KCNN2: variants seen among roughly 807,000 people sequenced by gnomAD.
KCNN2 encodes the protein potassium calcium-activated channel subfamily N member 2, also known as small conductance calcium-activated potassium channel protein 2.
Under a neutral mutation model 55.5 loss-of-function variants are expected in KCNN2, and 24 were observed. The ratio of observed to expected loss-of-function variants is 0.43; its 90% CI spans 0.31 to 0.61. The LOEUF is 0.61. Ranked by LOEUF, KCNN2 falls within the 20% of genes least tolerant of loss-of-function variation. KCNN2 has a pLI of 0.08. For synonymous variants in KCNN2, 431 were observed against 336.1 expected, an observed-to-expected ratio of 1.28 and a Z score of -3.09; for missense variants, 754 against 853.6, an observed-to-expected ratio of 0.88 and a Z score of 1.45.
chr5:114,292,361 T>G (rs1580699779), intron 2 of KCNN2, among the ~76,000 whole-genome samples: 1 of 152,208 alleles, frequency 6.6e-6, no homozygotes, highest in African/African-American at 2.4e-5. Flanking sequence ...CTTGAATTAA[T>G]TTTTGTATAA....
intron 1 of KCNN2, among the ~76,000 whole-genome samples, chr5:114,074,636 G>T (rs1173536125): frequency 1.3e-5 from 2 of 152,210 alleles, no homozygotes; most frequent in African/African-American, 4.8e-5. Context: ...ACCCTGTGTG[G>T]TGAAGCAAGC....
intron 2 of KCNN2, among the ~76,000 whole-genome samples, chr5:114,277,183 G>T (rs966855268): frequency 1.3e-5 from 2 of 152,154 alleles, no homozygotes; most frequent in Non-Finnish European, 2.9e-5. Context: ...CTTCTGGCTT[G>T]TAGGGTTTCT....
chr5:114,155,683 C>G (rs1457783257), intron 1 of KCNN2, among the ~76,000 whole-genome samples: 2 of 152,118 alleles, frequency 1.3e-5, no homozygotes, highest in African/African-American at 4.8e-5. Flanking sequence ...TGTATATCTT[C>G]TTTTCAAAAA....
intron 2 of KCNN2, among the ~76,000 whole-genome samples, chr5:114,293,800 C>T (rs1219714547): frequency 3.9e-5 from 6 of 152,100 alleles, no homozygotes; most frequent in South Asian, 2.1e-4. Flanking sequence ...TGGTAGAATT[C>T]GGCTGTGAAT....
chr5:114,161,997 C>T (rs563160873), intron 1 of KCNN2, among the ~76,000 whole-genome samples: 1 of 152,360 alleles, frequency 6.6e-6, no homozygotes, highest in African/African-American at 2.4e-5. Context: ...CTTCTTCTCT[C>T]AGCTCATGAA....
intron 6 of KCNN2, among the ~76,000 whole-genome samples, 177 bp downstream of exon 6, chr5:114,487,354 C>T (rs1040838395): frequency 6.6e-6 from 1 of 152,088 alleles, no homozygotes; most frequent in Non-Finnish European, 1.5e-5. Flanking sequence ...AACCTCAGTT[C>T]CTTTAATGAT....
intron 2 of KCNN2, among the ~76,000 whole-genome samples, chr5:114,236,029 T>C (rs910441901): frequency 2.0e-5 from 3 of 152,230 alleles, no homozygotes; most frequent in African/African-American, 7.2e-5. Flanking sequence ...GGTTCCATTT[T>C]ATCTTCCTCC....
At chr5:114,317,292 CT>C (rs1227186522) in intron 2 of KCNN2, among the ~76,000 whole-genome samples, 1 of 151,732 alleles carries the variant, frequency 6.6e-6, no homozygotes, top group African/African-American at 2.4e-5. Context: ...AGGAAATACA[CT>C]TTTTTACAAA....
chr5:114,115,151 A>T (rs951629325), intron 1 of KCNN2, among the ~76,000 whole-genome samples: 1 of 152,174 alleles, frequency 6.6e-6, no homozygotes, highest in African/African-American at 2.4e-5. Flanking sequence ...TGAGTTCACT[A>T]AGCCTAGTGA....
chr5:114,438,941 CATT>C (rs1561384151), intron 3 of KCNN2, among the ~76,000 whole-genome samples: 5 of 152,090 alleles, frequency 3.3e-5, no homozygotes, highest in African/African-American at 4.8e-5. Flanking sequence ...TCTGTGGTGT[CATT>C]ATAAAATATG....
chr5:114,149,502 C>A (rs1257959499), intron 1 of KCNN2, among the ~76,000 whole-genome samples: 2 of 152,040 alleles, frequency 1.3e-5, no homozygotes, highest in Non-Finnish European at 2.9e-5. Context: ...GTGATGCCGC[C>A]AATGCACTGG....
intron 2 of KCNN2, among the ~76,000 whole-genome samples, chr5:114,399,574 C>T (rs184525331): frequency 3.2e-4 from 48 of 152,174 alleles, no homozygotes; most frequent in Non-Finnish European, 2.1e-4. Context: ...TTTGTTGTGT[C>T]TCTGCCAGGT....
chr5:114,432,489 C>A (rs938050685), intron 3 of KCNN2, among the ~76,000 whole-genome samples: 6 of 152,252 alleles, frequency 3.9e-5, no homozygotes, highest in Admixed American at 1.3e-4. Flanking sequence ...TTCTTGTGGA[C>A]AACACATGGT....
intron 2 of KCNN2, among the ~76,000 whole-genome samples, chr5:114,340,145 AG>A (rs1756990711): frequency 6.6e-6 from 1 of 152,126 alleles, no homozygotes; most frequent in Non-Finnish European, 1.5e-5. Context: ...TTTGCCAAAA[AG>A]ATTAAAAATT....
intron 1 of KCNN2, among the ~76,000 whole-genome samples, chr5:114,135,778 G>T (rs1752162772): frequency 6.6e-6 from 1 of 152,130 alleles, no homozygotes; most frequent in South Asian, 2.1e-4. Flanking sequence ...TTGAAATATG[G>T]ATTATTAATA....
intron 2 of KCNN2, among the ~76,000 whole-genome samples, chr5:114,325,963 C>A (rs1210035836): frequency 6.6e-6 from 1 of 152,186 alleles, no homozygotes; most frequent in African/African-American, 2.4e-5. Flanking sequence ...TGGTCAAACA[C>A]TTCAGGTTTT....
intron 3 of KCNN2, among the ~76,000 whole-genome samples, chr5:114,418,276 C>G (rs932215483): frequency 1.3e-5 from 2 of 152,080 alleles, no homozygotes; most frequent in Admixed American, 6.5e-5. Context: ...GATTCAGGAG[C>G]AAAAATAGCA....
chr5:114,446,099 G>T (rs1177001624), intron 3 of KCNN2, among the ~76,000 whole-genome samples: 1 of 152,192 alleles, frequency 6.6e-6, no homozygotes, highest in Non-Finnish European at 1.5e-5. Flanking sequence ...CTATGAACTA[G>T]GGGAGTACTA....
chr5:114,323,206 C>A (rs1381692897), intron 2 of KCNN2, among the ~76,000 whole-genome samples: 1 of 151,810 alleles, frequency 6.6e-6, no homozygotes. Context: ...TAAAGCTCCT[C>A]AGTAGGAAAC....
Sources: allele counts gnomAD v4.1 joint callset (sites outside exome capture counted in the v4.1 genomes callset), GRCh38; gene constraint gnomAD v4.1.1; transcripts MANE v1.5; gene names NCBI Gene and HGNC (gene_info 2026-07-23, HGNC 2026-07-21).